Variants in SLC44A5 observed in about 807,000 individuals in gnomAD.
The protein encoded by SLC44A5 is solute carrier family 44 member 5, also known as choline transporter-like protein 5.
A neutral mutation model predicts 101.8 loss-of-function variants in SLC44A5; 57 were observed. The observed-to-expected ratio is 0.56, with a 90% CI of 0.45 to 0.70. The LOEUF (loss-of-function observed/expected upper bound fraction) is 0.70, where lower values mean the gene tolerates loss of function less well. SLC44A5 is among the 30% of genes least tolerant of loss of function. The probability of loss-of-function intolerance (pLI) is 0.00; values close to 1 mark genes in which losing one functional copy is unlikely to be tolerated. For missense variants in SLC44A5, 737 were observed against 853.1 expected (o/e 0.86, Z 1.70); for synonymous variants, 281 against 290.9 (o/e 0.97, Z 0.35).
intron 2 of SLC44A5, among the ~76,000 whole-genome samples, chr1:75,511,105 T>C (rs1238368693): frequency 1.3e-5 from 2 of 151,944 alleles, no homozygotes; most frequent in Non-Finnish European, 2.9e-5. Flanking sequence ...ATCGCGCAAC[T>C]GCACTCCAGC....
At chr1:75,714,406 C>G in the SLC44A5 span, among the ~76,000 whole-genome samples, 1 of 152,106 alleles carries the variant, frequency 6.6e-6, no homozygotes, top group South Asian at 2.1e-4. Flanking sequence ...CTATGACAAA[C>G]CCACAGCCAA....
chr1:75,591,326 C>T (rs1674339375), intron 1 of SLC44A5, among the ~76,000 whole-genome samples: 1 of 152,140 alleles, frequency 6.6e-6, no homozygotes, highest in African/African-American at 2.4e-5. Flanking sequence ...ACAAATGGCA[C>T]GCGTAAGTTC....
At position 75,575,396 on chromosome 1, in the gene SLC44A5, AC is replaced by A. The variant is rs559988999; in HGVS notation, c.-69-33881del. 3.0e-3 allele frequency among the ~76,000 whole-genome samples: 458 copies of A among 152,338 alleles called. 2 individuals carry two copies. Among genetic ancestry groups the A allele is most frequent in the Non-Finnish European group, 3.8e-3 (261 of 68,026 alleles). On this transcript the variant is annotated intron_variant, in intron 1 of 23. Transcript: ENST00000370859. The stretch of plus-strand genomic sequence containing the variant: ...TTCTGATGGGACCAACCACCAAGTG[AC>A]AAATGAATCATATTATTGACTATGC...
intron 5 of SLC44A5, among the ~76,000 whole-genome samples, chr1:75,285,692 A>T (rs1265381397): frequency 6.6e-6 from 1 of 151,998 alleles, no homozygotes; most frequent in East Asian, 1.9e-4. Flanking sequence ...AGTTCAAATA[A>T]TTTTTTAAAT....
intron 3 of SLC44A5, among the ~76,000 whole-genome samples, chr1:75,354,640 G>A (rs573601965): frequency 7.2e-5 from 11 of 152,010 alleles, no homozygotes; most frequent in Non-Finnish European, 1.2e-4. Flanking sequence ...CTTTGACTCC[G>A]CCGGACTTCG....
chr1:75,596,204 A>G (rs140795365), intron 1 of SLC44A5, among the ~76,000 whole-genome samples: 51,323 of 149,708 alleles, frequency 0.34, 8,939 homozygotes, highest in Non-Finnish European at 0.4. Context: ...AGACACATGC[A>G]CACACACACA....
the SLC44A5 span, among the ~76,000 whole-genome samples, chr1:75,678,410 G>C: frequency 6.6e-6 from 1 of 152,166 alleles, no homozygotes; most frequent in Non-Finnish European, 1.5e-5. Context: ...CGCAGCTGGA[G>C]ATCTGAGAAC....
At chr1:75,659,627 CAAAAAAA>C in the SLC44A5 span, among the ~76,000 whole-genome samples, 2 of 98,788 alleles carry the variant, frequency 2.0e-5, no homozygotes, top group East Asian at 3.9e-4. Context: ...CCATCTCTAC[CAAAAAAA>C]AAAAAAAAAA....
At chr1:75,487,510 A>G (rs1190093933) in intron 2 of SLC44A5, among the ~76,000 whole-genome samples, 1 of 152,214 alleles carries the variant, frequency 6.6e-6, no homozygotes, top group Non-Finnish European at 1.5e-5. Context: ...AGACCAGTTA[A>G]TTGTTCGGGG....
chr1:75,648,232 T>C, the SLC44A5 span, among the ~76,000 whole-genome samples: 1 of 152,156 alleles, frequency 6.6e-6, no homozygotes, highest in Non-Finnish European at 1.5e-5. Context: ...TCTGTTACCA[T>C]GTGAAGAAGG....
At chr1:75,502,354 C>G (rs1306025943) in intron 2 of SLC44A5, among the ~76,000 whole-genome samples, 1 of 152,162 alleles carries the variant, frequency 6.6e-6, no homozygotes, top group African/African-American at 2.4e-5. Flanking sequence ...GATCAAAGGA[C>G]AGAAAAACAT....
intron 13 of SLC44A5, among the ~76,000 whole-genome samples, chr1:75,223,340 G>A (rs1446267425): frequency 6.6e-6 from 1 of 152,036 alleles, no homozygotes; most frequent in African/African-American, 2.4e-5. Context: ...TCTTCAGCTA[G>A]CTTGAACTAG....
chr1:75,600,609 T>C (rs1268304684), intron 1 of SLC44A5, among the ~76,000 whole-genome samples: 1 of 152,166 alleles, frequency 6.6e-6, no homozygotes, highest in Non-Finnish European at 1.5e-5. Context: ...TGCCACATAA[T>C]GACATTTTAG....
At chr1:75,542,783 TTTGA>T (rs753385460) in intron 1 of SLC44A5, among the ~76,000 whole-genome samples, 99 of 152,162 alleles carry the variant, frequency 6.5e-4, no homozygotes, top group African/African-American at 2.2e-3. Context: ...GTATTCACCT[TTTGA>T]TTATTTTGTT....
At chr1:75,287,046 T>C (rs906898463) in intron 5 of SLC44A5, among the ~76,000 whole-genome samples, 6 of 152,176 alleles carry the variant, frequency 3.9e-5, no homozygotes, top group Admixed American at 6.5e-5. Context: ...ATCCAAACTT[T>C]TAGATTTCTC....
intron 2 of SLC44A5, among the ~76,000 whole-genome samples, chr1:75,466,655 TAAA>T (rs754658767): frequency 1.1e-5 from 1 of 88,440 alleles, no homozygotes; most frequent in Non-Finnish European, 2.2e-5. Context: ...GATGCCATCT[TAAA>T]AAAAAAAAAA....
the SLC44A5 span, among the ~76,000 whole-genome samples, chr1:75,662,405 T>A: frequency 6.6e-6 from 1 of 151,954 alleles, no homozygotes; most frequent in Non-Finnish European, 1.5e-5. Flanking sequence ...GGTACAAAAG[T>A]ACAGCTAGAT....
the SLC44A5 span, among the ~76,000 whole-genome samples, chr1:75,704,478 G>A: frequency 6.6e-6 from 1 of 152,054 alleles, no homozygotes; most frequent in Non-Finnish European, 1.5e-5. Context: ...AGATTCTTAT[G>A]TTCTGGTTAG....
chr1:75,688,043 C>T, the SLC44A5 span, among the ~76,000 whole-genome samples: 17 of 152,292 alleles, frequency 1.1e-4, no homozygotes, highest in Non-Finnish European at 1.0e-4. Context: ...GTCATAGTGC[C>T]TCTGCTCTCT....
Sources: gnomAD v4.1 joint callset for allele counts (sites outside exome capture counted in the v4.1 genomes callset) on GRCh38, gnomAD v4.1.1 for gene constraint, MANE v1.5 for transcripts, NCBI Gene and HGNC (gene_info 2026-07-23, HGNC 2026-07-21) for gene names.